Variants in ROBO1 observed in about 807,000 individuals in gnomAD.
ROBO1 encodes the protein roundabout homolog 1.
Under a neutral mutation model 195.9 loss-of-function variants are expected in ROBO1, and 149 were observed. That is an observed-to-expected ratio of 0.76 (90% CI 0.67 to 0.87). The LOEUF is 0.87. ROBO1 is among the 40% of genes least tolerant of loss of function. ROBO1 has a pLI of 0.00. For missense variants in ROBO1, 1,933 were observed against 2,068.3 expected (o/e 0.93, Z 1.27); for synonymous variants, 816 against 733.2 (o/e 1.11, Z -1.82).
chr3:79,217,931 C>A (rs1315852514), intron 2 of ROBO1, among the ~76,000 whole-genome samples: 2 of 151,522 alleles, frequency 1.3e-5, no homozygotes, highest in African/African-American at 4.8e-5. Flanking sequence ...AGTATACATA[C>A]CCTGGTAATA....
intron 1 of ROBO1, among the ~76,000 whole-genome samples, chr3:79,618,317 C>G (rs998081102): frequency 6.6e-6 from 1 of 152,110 alleles, no homozygotes; most frequent in Non-Finnish European, 1.5e-5. Context: ...TATTGTCAGG[C>G]CTCTGAGCCC....
At chr3:79,585,188 A>G (rs1943790511) in intron 2 of ROBO1, among the ~76,000 whole-genome samples, 1 of 151,962 alleles carries the variant, frequency 6.6e-6, no homozygotes, top group Admixed American at 6.6e-5. Flanking sequence ...TAATACAGCC[A>G]TGGTTATTAG....
intron 3 of ROBO1, among the ~76,000 whole-genome samples, chr3:79,085,703 T>G (rs2079355985): frequency 6.6e-6 from 1 of 152,080 alleles, no homozygotes; most frequent in Non-Finnish European, 1.5e-5. Context: ...ATTCTACTTT[T>G]GTGTCTAGGA....
chr3:78,960,980 G>A (rs892168282), intron 3 of ROBO1, among the ~76,000 whole-genome samples: 3 of 152,096 alleles, frequency 2.0e-5, no homozygotes, highest in Middle Eastern at 3.4e-3. Flanking sequence ...GTTGCAATAC[G>A]CTGTATGTAT....
At chr3:79,251,132 C>A (rs76166792) in intron 2 of ROBO1, among the ~76,000 whole-genome samples, 1 of 151,848 alleles carries the variant, frequency 6.6e-6, no homozygotes. Context: ...AATATGTATA[C>A]CAAAAGTGAT....
At chr3:79,484,365 T>C (rs189620199) in intron 2 of ROBO1, among the ~76,000 whole-genome samples, 2 of 152,304 alleles carry the variant, frequency 1.3e-5, no homozygotes, top group East Asian at 3.9e-4. Flanking sequence ...GATTTTGGTA[T>C]ACTTAAAGCT....
rs1947495106 is a variant in ROBO1, at chr3:79,697,936, C to A, written c.-51+69816G>T. On this transcript the variant is annotated intron_variant, in intron 1 of 30. Coordinates refer to ENST00000464233, the MANE Select transcript of ROBO1 (RefSeq NM_002941.4). ...TTCCATTTAAATGAAAAATCACTAT[C>A]TTAAAAAATCTAATATTTTTAAAAC... is the stretch of plus-strand genomic sequence containing the variant. Among the ~76,000 whole-genome samples, 3 of 151,140 alleles carry A rather than the reference C, an allele frequency of 2.0e-5. No homozygotes were observed. In the South Asian group the frequency reaches 6.2e-4, roughly 31 times the overall value.
intron 2 of ROBO1, among the ~76,000 whole-genome samples, chr3:79,368,538 T>C (rs1471957512): frequency 1.3e-5 from 2 of 151,888 alleles, no homozygotes. Flanking sequence ...AGCTGTTAGG[T>C]ACTACAAAAC....
intron 2 of ROBO1, among the ~76,000 whole-genome samples, chr3:79,263,215 C>T (rs913783240): frequency 4.6e-5 from 7 of 152,010 alleles, no homozygotes; most frequent in African/African-American, 1.4e-4. Context: ...TGAATAACAC[C>T]TTCAATTTCT....
At chr3:78,938,006 T>TGTGTGTGA (rs1553769327) in intron 4 of ROBO1, 3 of 150,936 alleles carry the variant, frequency 2.0e-5, no homozygotes, top group African/African-American at 5.0e-5. Context: ...TGTGTGTGTG[T>TGTGTGTGA]GTGTGTGTGT....
rs987611765 is a variant in ROBO1 at position 79,125,461 on chromosome 3, T to C, written c.167A>G (p.Tyr56Cys). 5 of 1,613,234 alleles carry C rather than the reference T, an allele frequency of 3.1e-6. No homozygotes were observed. The highest frequency in any genetic ancestry group is 4.2e-6 in the Non-Finnish European group (5 of 1,179,582). ...TTGGGAAAGAGACACTCTACCTGTATAGCCCAGCGAATTGTCATCGTTATC... is the reference window on the plus strand; with the variant it reads ...TTGGGAAAGAGACACTCTACCTGTACAGCCCAGCGAATTGTCATCGTTATC... Reference protein sequence around the residue: ...TSDNDDNSLGYTGSRLRQEDF... With the variant: ...TSDNDDNSLGCTGSRLRQEDF... The change falls in exon 3 of 31, where the codon TAT becomes TGT. Residue 56 changes from tyrosine (Y) to cysteine (C), a missense_variant. Coordinates refer to ENST00000464233, the MANE Select transcript of ROBO1 (RefSeq NM_002941.4).
chr3:79,455,148 T>C (rs554309936), intron 2 of ROBO1, among the ~76,000 whole-genome samples: 5 of 151,134 alleles, frequency 3.3e-5, no homozygotes, highest in Non-Finnish European at 5.9e-5. Flanking sequence ...GGCTAAAATA[T>C]GCACACAGAA....
intron 8 of ROBO1, among the ~76,000 whole-genome samples, chr3:78,691,824 A>T (rs905622256): frequency 6.6e-6 from 1 of 152,056 alleles, no homozygotes; most frequent in Admixed American, 6.6e-5. Context: ...AAATGTTAAC[A>T]TTTTTCTTCA....
rs138914900 is a variant in ROBO1, at chr3:78,903,502, G to T, written c.499+35099C>A. Among the ~76,000 whole-genome samples, 482 of 148,608 alleles carry T rather than the reference G, an allele frequency of 3.2e-3. 3 individuals carry two copies. The highest frequency in any genetic ancestry group is 0.011 in the African/African-American group (463 of 40,410). On this transcript the variant is annotated intron_variant, in intron 4 of 30. Coordinates refer to ENST00000464233, the MANE Select transcript of ROBO1 (RefSeq NM_002941.4). ...TTTAATAAAAAAAAAAGTATAAAAA[G>T]AACAAATTTAGATTTACTTTAATAG...
chr3:78,861,138 T>G (rs959833303), intron 4 of ROBO1, among the ~76,000 whole-genome samples: 18 of 152,216 alleles, frequency 1.2e-4, no homozygotes. Flanking sequence ...CATGAACATC[T>G]GTATTAAATG....
At chr3:78,730,760 A>G (rs911967375) in intron 5 of ROBO1, among the ~76,000 whole-genome samples, 7 of 152,164 alleles carry the variant, frequency 4.6e-5, no homozygotes, top group African/African-American at 1.7e-4. Context: ...CTCATTTCCT[A>G]TGGAAAACAC....
At chr3:78,733,554 AT>A (rs1248156980) in intron 5 of ROBO1, among the ~76,000 whole-genome samples, 1 of 152,104 alleles carries the variant, frequency 6.6e-6, no homozygotes, top group African/African-American at 2.4e-5. Context: ...ATATTTAAAT[AT>A]TTTTTCCAAA....
intron 3 of ROBO1, among the ~76,000 whole-genome samples, chr3:78,988,817 G>A (rs904614410): frequency 2.0e-5 from 3 of 152,082 alleles, no homozygotes; most frequent in African/African-American, 4.8e-5. Context: ...TTGTATACTA[G>A]CCAAATTATG....
chr3:79,747,546 T>C (rs368353894), intron 1 of ROBO1, among the ~76,000 whole-genome samples: 19 of 152,070 alleles, frequency 1.2e-4, no homozygotes, highest in East Asian at 5.8e-4. Flanking sequence ...CATTGATGGC[T>C]TATGTGATAT....
Sources: gnomAD v4.1 joint callset for allele counts (sites outside exome capture counted in the v4.1 genomes callset) on GRCh38, gnomAD v4.1.1 for gene constraint, MANE v1.5 for transcripts, NCBI Gene and HGNC (gene_info 2026-07-23, HGNC 2026-07-21) for gene names.